Variants in ME3 observed in about 807,000 individuals in gnomAD.
ME3 encodes NADP-dependent malic enzyme, mitochondrial.
In ME3, 48 loss-of-function variants were observed where a neutral mutation model predicts 68.9. That is an observed-to-expected ratio of 0.70 (90% CI 0.55 to 0.89). The LOEUF is 0.89. ME3 is among the 40% of genes least tolerant of loss of function. The pLI, the probability that ME3 is intolerant of heterozygous loss-of-function variation, is 0.00. For missense variants in ME3, 675 were observed against 797.4 expected (o/e 0.85, Z 1.85); for synonymous variants, 320 against 318.8 (o/e 1.00, Z -0.04).
At chr11:86,516,373 G>T (rs4122041) in intron 4 of ME3, among the ~76,000 whole-genome samples, 3 of 118,514 alleles carry the variant, frequency 2.5e-5, no homozygotes, top group Non-Finnish European at 5.1e-5. Flanking sequence ...CTCTCTCTTT[G>T]TGTGTGTGTG....
chr11:86,463,699 T>A (rs1397090448), intron 8 of ME3, among the ~76,000 whole-genome samples: 1 of 152,244 alleles, frequency 6.6e-6, no homozygotes, highest in Non-Finnish European at 1.5e-5. Context: ...AACTGTGCTA[T>A]CTTGCCTCTT....
At chr11:86,627,563 T>C (rs1943740760) in intron 2 of ME3, among the ~76,000 whole-genome samples, 1 of 152,196 alleles carries the variant, frequency 6.6e-6, no homozygotes, top group Non-Finnish European at 1.5e-5. Context: ...AGACACACAA[T>C]AAAATTACCA....
At chr11:86,668,616 G>C (rs1946723418) in intron 2 of ME3, among the ~76,000 whole-genome samples, 1 of 152,200 alleles carries the variant, frequency 6.6e-6, no homozygotes, top group African/African-American at 2.4e-5. Flanking sequence ...AGGAGCTTAT[G>C]AGATTCATCA....
chr11:86,559,929 A>C, intron 2 of ME3, 106 bp from the exon 3 acceptor site: 1 of 1,243,598 alleles, frequency 8.0e-7, no homozygotes, highest in Non-Finnish European at 1.1e-6. Flanking sequence ...GTGACTCAGT[A>C]GAAAGGGCCC....
intron 5 of ME3, among the ~76,000 whole-genome samples, chr11:86,503,598 C>T (rs1952864580): frequency 6.6e-6 from 1 of 152,218 alleles, no homozygotes; most frequent in Non-Finnish European, 1.5e-5. Context: ...GACAAAAGAG[C>T]ACTCCCTAAT....
chr11:86,460,136 A>G (rs1056044655), intron 8 of ME3, among the ~76,000 whole-genome samples: 4 of 152,216 alleles, frequency 2.6e-5, no homozygotes, highest in Non-Finnish European at 5.9e-5. Flanking sequence ...CTGAAACAAC[A>G]AAAGTCACCT....
At position 86,485,629 on chromosome 11, in the gene ME3, C is replaced by T. The variant is rs140032431; in HGVS notation, c.809+1708G>A. 8.5e-4 allele frequency among the ~76,000 whole-genome samples: 130 copies of T among 152,254 alleles called. 2 individuals carry two copies. The highest frequency in any genetic ancestry group is 1.6e-4 in the Non-Finnish European group (11 of 68,012). ...CTAAACCTCACCAGGACTTACTATC[C>T]ATTGATCACCCTTTCACTGTCCCTT... On this transcript the variant is annotated intron_variant, in intron 7 of 14. Coordinates refer to ENST00000543262, the Ensembl canonical transcript of ME3.
intron 7 of ME3, among the ~76,000 whole-genome samples, chr11:86,480,681 T>G (rs963202074): frequency 6.6e-6 from 1 of 152,180 alleles, no homozygotes; most frequent in African/African-American, 2.4e-5. Context: ...GGTACCCAGA[T>G]GTGTGAGTGC....
At chr11:86,475,443 CTCTTT>C (rs1216283813) in intron 7 of ME3, among the ~76,000 whole-genome samples, 1 of 152,102 alleles carries the variant, frequency 6.6e-6, no homozygotes, top group African/African-American at 2.4e-5. Context: ...CTAATTACAC[CTCTTT>C]TCTTTGTAAA....
At chr11:86,455,542 C>T (rs113986670) in intron 8 of ME3, among the ~76,000 whole-genome samples, 94 of 152,320 alleles carry the variant, frequency 6.2e-4, no homozygotes, top group African/African-American at 2.2e-3. Context: ...TCAGTATCAA[C>T]CTACCTCTGC....
intron 4 of ME3, among the ~76,000 whole-genome samples, chr11:86,525,414 T>TA (rs935849526): frequency 6.6e-6 from 1 of 151,252 alleles, no homozygotes; most frequent in African/African-American, 2.4e-5. Flanking sequence ...AGGAAACCAT[T>TA]AAAAAAATGG....
chr11:86,464,676 G>A (rs1372317634), intron 8 of ME3, among the ~76,000 whole-genome samples: 2 of 152,164 alleles, frequency 1.3e-5, no homozygotes, highest in African/African-American at 4.8e-5. Context: ...AGTTTTATGG[G>A]TTAGTACTTT....
chr11:86,516,747 G>A (rs751983111), intron 4 of ME3, among the ~76,000 whole-genome samples: 2 of 152,108 alleles, frequency 1.3e-5, no homozygotes, highest in African/African-American at 2.4e-5. Flanking sequence ...CTGTTTAAAG[G>A]GAAGCTACAG....
chr11:86,540,263 T>G (rs956795322), intron 4 of ME3, among the ~76,000 whole-genome samples: 2 of 152,164 alleles, frequency 1.3e-5, no homozygotes, highest in Admixed American at 6.5e-5. Flanking sequence ...GCATGCTTTT[T>G]TTGTTGTTGT....
intron 2 of ME3, among the ~76,000 whole-genome samples, chr11:86,661,306 C>G (rs1022193168): frequency 2.0e-5 from 3 of 152,230 alleles, no homozygotes; most frequent in Non-Finnish European, 2.9e-5. Context: ...AGAGGTGACC[C>G]TGGAGATGCT....
At chr11:86,564,709 G>T (rs1957396949) in intron 2 of ME3, among the ~76,000 whole-genome samples, 1 of 152,074 alleles carries the variant, frequency 6.6e-6, no homozygotes, top group Non-Finnish European at 1.5e-5. Context: ...ACTCAAAATG[G>T]ATGAACAACC....
At chr11:86,618,480 A>G (rs574815445) in intron 2 of ME3, among the ~76,000 whole-genome samples, 31 of 152,294 alleles carry the variant, frequency 2.0e-4, no homozygotes, top group African/African-American at 7.5e-4. Context: ...CAGAGGTCAC[A>G]TTTAGGAAGC....
chr11:86,559,272 C>T (rs940095201), intron 3 of ME3, among the ~76,000 whole-genome samples: 1 of 151,996 alleles, frequency 6.6e-6, no homozygotes, highest in Non-Finnish European at 1.5e-5. Context: ...CCCCCTAATT[C>T]CAGGAACCCA....
intron 8 of ME3, among the ~76,000 whole-genome samples, chr11:86,451,367 T>A (rs1377916770): frequency 1.3e-5 from 2 of 152,200 alleles, no homozygotes; most frequent in African/African-American, 4.8e-5. Flanking sequence ...TCAAAGGACA[T>A]GATGAAAACA....
Sources: allele counts gnomAD v4.1 joint callset (sites outside exome capture counted in the v4.1 genomes callset), GRCh38; gene constraint gnomAD v4.1.1; transcripts MANE v1.5; gene names NCBI Gene and HGNC (gene_info 2026-07-23, HGNC 2026-07-21).